SPRY3: variants seen among roughly 807,000 people sequenced by gnomAD.
SPRY3 encodes sprouty RTK signaling antagonist 3.
In SPRY3, 15 loss-of-function variants were observed where a neutral mutation model predicts 20.2. The ratio of observed to expected loss-of-function variants is 0.74; its 90% CI spans 0.50 to 1.14. The LOEUF is 1.14. Among genes scored for constraint, SPRY3 ranks in the 50% most tolerant of loss-of-function variants. The probability of loss-of-function intolerance (pLI) is 0.00; values close to 1 mark genes in which losing one functional copy is unlikely to be tolerated. For synonymous variants in SPRY3, 143 were observed against 136.5 expected (o/e 1.05, Z -0.33); for missense variants, 364 against 363.9 (o/e 1.00, Z 0.00).
intron 2 of SPRY3, among the ~76,000 whole-genome samples, chrX:155,726,779 G>T (rs1569387982): frequency 6.6e-6 from 1 of 152,082 alleles, no homozygotes; most frequent in Non-Finnish European, 1.5e-5. Flanking sequence ...TATCCAATTT[G>T]CCAGTCTGTG....
At chrX:155,638,499 A>AT (rs1265751286) in intron 1 of SPRY3, among the ~76,000 whole-genome samples, 1 of 105,647 alleles carries the variant, frequency 9.5e-6, no homozygotes, top group East Asian at 3.0e-4. Flanking sequence ...ATTCTAATGG[A>AT]TTTTTTTGGT....
downstream of SPRY3, chrX:155,781,179 C>T (rs111830242): frequency 0.022 from 3,752 of 166,998 alleles, 51 homozygotes; most frequent in Middle Eastern, 0.051. Context: ...GAATATGCCA[C>T]TAACACTATC....
intron 3 of SPRY3, among the ~76,000 whole-genome samples, chrX:155,768,494 G>C (rs2091360472): frequency 6.6e-6 from 1 of 151,908 alleles, no homozygotes; most frequent in Non-Finnish European, 1.5e-5. Flanking sequence ...TGAGGACAGA[G>C]AGAGAGCCCG....
intron 2 of SPRY3, among the ~76,000 whole-genome samples, chrX:155,662,488 T>C (rs1333035467): frequency 9.1e-6 from 1 of 110,174 alleles, no homozygotes. Flanking sequence ...ACAGGCATTG[T>C]ATTGGGTTGT....
At chrX:155,751,931 A>AAT (rs1345906810) in intron 2 of SPRY3, among the ~76,000 whole-genome samples, 1 of 32,780 alleles carries the variant, frequency 3.1e-5, no homozygotes, top group Non-Finnish European at 4.7e-5. Context: ...AGGGAAATAA[A>AAT]ATAAAATAAA....
chrX:155,712,295 G>A (rs1056579577), intron 2 of SPRY3, among the ~76,000 whole-genome samples: 3 of 151,882 alleles, frequency 2.0e-5, no homozygotes, highest in African/African-American at 7.2e-5. Context: ...GGGTATTGAA[G>A]CCTTCAGCTA....
At chrX:155,697,522 C>CATATATAT (rs1557356198) in intron 2 of SPRY3, among the ~76,000 whole-genome samples, 2 of 99,330 alleles carry the variant, frequency 2.0e-5, no homozygotes, top group African/African-American at 7.8e-5. Context: ...CACACACACA[C>CATATATAT]ATATATATAT....
intron 1 of SPRY3, among the ~76,000 whole-genome samples, chrX:155,622,670 T>C (rs1485362993): frequency 8.9e-6 from 1 of 112,140 alleles, no homozygotes; most frequent in Non-Finnish European, 1.9e-5. Context: ...ATCATCACAG[T>C]GTCCTGGAAG....
intron 2 of SPRY3, among the ~76,000 whole-genome samples, chrX:155,721,278 C>T (rs955492797): frequency 2.0e-5 from 3 of 151,890 alleles, no homozygotes; most frequent in African/African-American, 7.2e-5. Context: ...AGAATAAAAA[C>T]AATGAAGCAT....
At chrX:155,651,743 T>C (rs1389969934) in intron 1 of SPRY3, among the ~76,000 whole-genome samples, 1 of 111,919 alleles carries the variant, frequency 8.9e-6, no homozygotes, top group East Asian at 2.8e-4. Flanking sequence ...TGTATATATT[T>C]ATGGGGTACA....
chrX:155,767,672 G>GA (rs1569399804), intron 2 of SPRY3: 4 of 117,238 alleles, frequency 3.4e-5, no homozygotes, highest in African/African-American at 9.2e-5. Context: ...GAGGAGAAGG[G>GA]GGAGGAGAAA....
chrX:155,764,852 C>A (rs1408992829), intron 2 of SPRY3, among the ~76,000 whole-genome samples: 1 of 152,130 alleles, frequency 6.6e-6, no homozygotes, highest in South Asian at 2.1e-4. Context: ...TCTTATTGGG[C>A]TACTGTAACA....
chrX:155,733,250 T>A (rs2091145916), intron 2 of SPRY3, among the ~76,000 whole-genome samples: 1 of 151,258 alleles, frequency 6.6e-6, no homozygotes, highest in South Asian at 2.1e-4. Context: ...GCCTGTATCA[T>A]CAAAATATAC....
intron 1 of SPRY3, among the ~76,000 whole-genome samples, chrX:155,643,716 G>GAA (rs2067949378): frequency 1.8e-5 from 2 of 111,570 alleles, no homozygotes; most frequent in African/African-American, 6.5e-5. Flanking sequence ...AACATTGTTT[G>GAA]CATAAACAAA....
intron 1 of SPRY3, among the ~76,000 whole-genome samples, chrX:155,615,759 G>T (rs1557348805): frequency 9.0e-6 from 1 of 111,574 alleles, no homozygotes; most frequent in Non-Finnish European, 1.9e-5. Context: ...TTCGGTTTAT[G>T]AACATTTCTG....
intron 2 of SPRY3, among the ~76,000 whole-genome samples, chrX:155,658,815 A>G (rs781926680): frequency 5.2e-4 from 58 of 111,810 alleles, no homozygotes; most frequent in African/African-American, 1.8e-3. Flanking sequence ...GATGTTGGCT[A>G]TGGGTTTATT....
intron 1 of SPRY3, among the ~76,000 whole-genome samples, chrX:155,624,475 A>G (rs953552454): frequency 1.6e-4 from 18 of 110,740 alleles, no homozygotes; most frequent in Non-Finnish European, 5.7e-5. Flanking sequence ...ACCTATCTGT[A>G]TCTATATAAT....
intron 2 of SPRY3, among the ~76,000 whole-genome samples, chrX:155,729,295 T>G (rs1602970585): frequency 6.6e-6 from 1 of 152,298 alleles, no homozygotes; most frequent in Admixed American, 6.5e-5. Context: ...TTCTCTAAGA[T>G]AGATTATATT....
chrX:155,725,625 C>A, intron 2 of SPRY3, among the ~76,000 whole-genome samples: 1 of 152,210 alleles, frequency 6.6e-6, no homozygotes, highest in South Asian at 2.1e-4. Context: ...TTATAGTATT[C>A]TCTGATGGTA....
Sources: allele counts gnomAD v4.1 joint callset (sites outside exome capture counted in the v4.1 genomes callset), GRCh38; gene constraint gnomAD v4.1.1; transcripts MANE v1.5; gene names NCBI Gene and HGNC (gene_info 2026-07-23, HGNC 2026-07-21).